Variants in KIAA1671 observed in about 807,000 individuals in gnomAD.
The protein encoded by KIAA1671 is KIAA1671, also known as uncharacterized protein KIAA1671.
KIAA1671 carries 52 observed loss-of-function variants against 131.2 expected under a neutral mutation model. That is an observed-to-expected ratio of 0.40 (90% CI 0.32 to 0.50). The LOEUF (loss-of-function observed/expected upper bound fraction) is 0.50, where lower values mean the gene tolerates loss of function less well. Among genes scored for constraint, KIAA1671 ranks in the 20% least tolerant of loss-of-function variants. The probability of loss-of-function intolerance (pLI) is 0.73; values close to 1 mark genes in which losing one functional copy is unlikely to be tolerated. For missense variants in KIAA1671, 2,360 were observed against 2,364.2 expected (o/e 1.00, Z 0.04); for synonymous variants, 1,003 against 961.6 (o/e 1.04, Z -0.80).
chr22:25,046,693 G>A (rs1470179622), intron 5 of KIAA1671, among the ~76,000 whole-genome samples: 1 of 151,736 alleles, frequency 6.6e-6, no homozygotes, highest in Non-Finnish European at 1.5e-5. Context: ...GAAAATACAA[G>A]CACATAGAAA....
intron 6 of KIAA1671, among the ~76,000 whole-genome samples, chr22:25,162,817 A>T (rs1476747852): frequency 6.6e-6 from 1 of 152,248 alleles, no homozygotes; most frequent in Non-Finnish European, 1.5e-5. Context: ...TAACAACAGC[A>T]GAATTGAGTA....
At chr22:25,061,081 A>G (rs1602107309) in intron 6 of KIAA1671, 3 of 152,086 alleles carry the variant, frequency 2.0e-5, no homozygotes, top group Middle Eastern at 6.8e-3. Flanking sequence ...ATTTATTTTC[A>G]TGGATGATAT....
intron 1 of KIAA1671, chr22:25,012,268 TTTC>T (rs141922405): frequency 0.2 from 29,742 of 150,594 alleles, 2,983 homozygotes; most frequent in East Asian, 0.45. Flanking sequence ...TCCCTTTTCT[TTTC>T]TTCTTCTTTT....
At chr22:25,128,628 TC>T (rs1249588930) in intron 6 of KIAA1671, among the ~76,000 whole-genome samples, 1 of 152,086 alleles carries the variant, frequency 6.6e-6, no homozygotes, top group Admixed American at 6.5e-5. Context: ...TTGTTCTCAC[TC>T]CCCTAATTGG....
Position 25,119,780 on chromosome 22 carries a change from C to T in KIAA1671, c.4531-51040C>T, listed in dbSNP as rs73401810. Among the ~76,000 whole-genome samples, 193 of 152,270 alleles carry T rather than the reference C, an allele frequency of 1.3e-3. 1 individual carries two copies. The highest frequency in any genetic ancestry group is 4.5e-3 in the African/African-American group (188 of 41,564). On this transcript the variant is annotated intron_variant, in intron 6 of 12. Coordinates refer to ENST00000358431, the MANE Select transcript of KIAA1671 (RefSeq NM_001145206.2). ...AGGGACATTGGGACAGCAGGAAAGG[C>T]AGTGCAAAGGCCCTGAGGCAGGTTC...
chr22:25,133,053 CAAAAAAAA>C (rs200397060), intron 6 of KIAA1671, among the ~76,000 whole-genome samples: 4 of 90,470 alleles, frequency 4.4e-5, no homozygotes, highest in African/African-American at 1.7e-4. Flanking sequence ...GACTCCATCT[CAAAAAAAA>C]AAAAAAAAAA....
chr22:24,977,814 AT>A (rs1244136302), intron 1 of KIAA1671, among the ~76,000 whole-genome samples: 1 of 152,166 alleles, frequency 6.6e-6, no homozygotes, highest in Non-Finnish European at 1.5e-5. Context: ...TCACAGTTTA[AT>A]TTCTCAGCTT....
chr22:24,978,538 G>A (rs1923033928), intron 1 of KIAA1671, among the ~76,000 whole-genome samples: 1 of 152,148 alleles, frequency 6.6e-6, no homozygotes, highest in African/African-American at 2.4e-5. Context: ...TAACTTCAAG[G>A]CTACCTAGCT....
In KIAA1671 at chr22:25,012,720, A is replaced by G. The variant is rs897238532; in HGVS notation, c.-207-12913A>G. ...ATAAAAACAATCAGCTGCTACTACA[A>G]CAGCTAATAGTCTGAGCATGAGGCT... On this transcript the variant is annotated intron_variant, in intron 1 of 12. Coordinates refer to ENST00000358431, the MANE Select transcript of KIAA1671 (RefSeq NM_001145206.2). 3.3e-5 allele frequency: 5 copies of G among 152,320 alleles called. No homozygotes were observed. In the Middle Eastern group the frequency reaches 0.014, roughly 414 times the overall value. 9.4% of individuals were successfully genotyped at this position (152,320 alleles called of 1,614,324 possible).
Position 25,070,362 on chromosome 22 carries a change from G to A in KIAA1671, c.4530+20998G>A, listed in dbSNP as rs963962945. On this transcript the variant is annotated intron_variant, in intron 6 of 12. Coordinates refer to ENST00000358431, the MANE Select transcript of KIAA1671 (RefSeq NM_001145206.2). ...GCTCACCACATAACCTCTGGGTGCT[G>A]GAAATGGAGTATTACTACTGCCCCA... 30 of 492,516 alleles carry A rather than the reference G, an allele frequency of 6.1e-5. No homozygotes were observed. In the Admixed American group the frequency reaches 9.5e-4, roughly 16 times the overall value. The allele number at this position is 492,516 out of a possible 1,614,324, so 30.5% of individuals were successfully genotyped here. A position where few individuals can be genotyped will look rare whatever the true frequency, so the allele number is the denominator to read the frequency against.
intron 1 of KIAA1671, chr22:25,010,714 T>G (rs1029673450): frequency 2.0e-5 from 3 of 152,184 alleles, no homozygotes; most frequent in Admixed American, 2.0e-4. Context: ...AAGCTCCGTG[T>G]TCATTAAGAA....
At chr22:25,094,747 G>T (rs193266419) in intron 6 of KIAA1671, among the ~76,000 whole-genome samples, 2 of 152,230 alleles carry the variant, frequency 1.3e-5, no homozygotes, top group East Asian at 3.9e-4. Context: ...CACCATTACC[G>T]TCTGAGCCTG....
At chr22:25,083,174 G>A (rs1929506994) in intron 6 of KIAA1671, among the ~76,000 whole-genome samples, 1 of 152,182 alleles carries the variant, frequency 6.6e-6, no homozygotes, top group Admixed American at 6.5e-5. Flanking sequence ...GTGTTGGCAA[G>A]TGTGGTTTCT....
intron 9 of KIAA1671, among the ~76,000 whole-genome samples, chr22:25,180,951 C>T (rs1934248353): frequency 6.6e-6 from 1 of 152,182 alleles, no homozygotes. Context: ...CTCTGGCTCC[C>T]ATCAGCCTGG....
In KIAA1671 at chr22:25,029,284, G is replaced by C; in HGVS notation, c.1285G>C (p.Gly429Arg). 7.9e-6 allele frequency: 12 copies of C among 1,515,714 alleles called. No homozygotes were observed. Among genetic ancestry groups the C allele is most frequent in the Middle Eastern group, 1.7e-4 (1 of 5,800 alleles). 93.9% of individuals were successfully genotyped at this position (1,515,714 alleles called of 1,614,324 possible). A position where few individuals can be genotyped will look rare whatever the true frequency, so the allele number is the denominator to read the frequency against. Residue 429 changes from glycine (G) to arginine (R), a missense_variant, in exon 3 of 13, where the codon GGA (glycine) becomes CGA (arginine). Gly to Arg is a moderately radical substitution (Grantham distance 125, BLOSUM62 -2). Around this residue, in one of 3 missense-constraint regions of KIAA1671, gnomAD observed 1,185 missense variants for 1,126.2 expected, o/e 1.05. Coordinates refer to ENST00000358431, the MANE Select transcript of KIAA1671 (RefSeq NM_001145206.2). ...GGCGGATGGGGAGGCCGCGGCAGGG[G>C]GAGAGTGGGCCTCCAGGAGGAGTGT... ...RVADGEAAAG[G>R]EWASRRSVRK...
chr22:25,026,676 G>T (rs1399634977), intron 2 of KIAA1671, among the ~76,000 whole-genome samples: 1 of 150,206 alleles, frequency 6.7e-6, no homozygotes, highest in Non-Finnish European at 1.5e-5. Context: ...GTTGCTGTGA[G>T]CCAAGGTCGC....
chr22:25,167,376 C>T (rs1933680809), intron 6 of KIAA1671, among the ~76,000 whole-genome samples: 1 of 152,160 alleles, frequency 6.6e-6, no homozygotes, highest in Admixed American at 6.5e-5. Flanking sequence ...GATTTAGCCT[C>T]AGGGGTGTTC....
chr22:25,127,334 C>G (rs116204835), intron 6 of KIAA1671, among the ~76,000 whole-genome samples: 2 of 152,202 alleles, frequency 1.3e-5, no homozygotes, highest in Non-Finnish European at 2.9e-5. Flanking sequence ...CCTGGAATGA[C>G]GGAACCGTGG....
chr22:25,020,115 G>A (rs1285231568), intron 1 of KIAA1671, among the ~76,000 whole-genome samples: 7 of 152,286 alleles, frequency 4.6e-5, no homozygotes, highest in Admixed American at 2.0e-4. Context: ...CCCGGGGTGA[G>A]GGGAAAATAT....
Sources: allele counts gnomAD v4.1 joint callset (sites outside exome capture counted in the v4.1 genomes callset), GRCh38; gene constraint gnomAD v4.1.1; regional missense constraint gnomAD v4.1.1; transcripts MANE v1.5; gene names NCBI Gene and HGNC (gene_info 2026-07-23, HGNC 2026-07-21).